The following CARMIL1 variants were observed in gnomAD, a reference collection of about 807,000 sequenced individuals.
CARMIL1 encodes the protein capping protein regulator and myosin 1 linker 1.
Under a neutral mutation model 177.1 loss-of-function variants are expected in CARMIL1, and 90 were observed. That is an observed-to-expected ratio of 0.51 (90% CI 0.43 to 0.61). The LOEUF (loss-of-function observed/expected upper bound fraction) is 0.61. CARMIL1 is among the 20% of genes least tolerant of loss of function. The probability of loss-of-function intolerance (pLI) is 0.00; values close to 1 mark genes in which losing one functional copy is unlikely to be tolerated. For synonymous variants in CARMIL1, 577 were observed against 606.2 expected, an observed-to-expected ratio of 0.95 and a Z score of 0.71; for missense variants, 1,380 against 1,667.0, an observed-to-expected ratio of 0.83 and a Z score of 3.00.
intron 2 of CARMIL1, among the ~76,000 whole-genome samples, chr6:25,343,316 CTT>C (rs5875030): frequency 0.043 from 5,756 of 135,374 alleles, 291 homozygotes; most frequent in African/African-American, 0.14. Context: ...AGTATTTTTG[CTT>C]TTTTTTTTTT....
chr6:25,488,356 A>T, intron 12 of CARMIL1, 126 bp from the exon 13 acceptor site: 1 of 751,904 alleles, frequency 1.3e-6, no homozygotes, highest in East Asian at 2.5e-5. Flanking sequence ...GCCACCTTTC[A>T]GGGACAGTGC....
chr6:25,380,612 A>G (rs1390917373), intron 2 of CARMIL1, among the ~76,000 whole-genome samples: 1 of 152,238 alleles, frequency 6.6e-6, no homozygotes, highest in African/African-American at 2.4e-5. Context: ...TATTGTTTGA[A>G]TTAGATTTCA....
chr6:25,530,297 C>G (rs1807618976), intron 24 of CARMIL1, among the ~76,000 whole-genome samples: 1 of 151,954 alleles, frequency 6.6e-6, no homozygotes, highest in African/African-American at 2.4e-5. Context: ...ACAGGTGGAT[C>G]ACAGGAGTTT....
At chr6:25,281,136 G>GAGCGCGCACA in intron 1 of CARMIL1, among the ~76,000 whole-genome samples, 1 of 132,104 alleles carries the variant, frequency 7.6e-6, no homozygotes, top group Non-Finnish European at 1.6e-5. Context: ...GTGCGCGCGC[G>GAGCGCGCACA]CACACACACA....
intron 33 of CARMIL1, among the ~76,000 whole-genome samples, chr6:25,603,899 C>T (rs1185840811): frequency 6.6e-6 from 1 of 152,090 alleles, no homozygotes; most frequent in Non-Finnish European, 1.5e-5. Flanking sequence ...TAATTCCTCC[C>T]ACCTGCAGAT....
intron 2 of CARMIL1, among the ~76,000 whole-genome samples, chr6:25,305,697 T>A (rs1323076668): frequency 6.6e-6 from 1 of 152,206 alleles, no homozygotes; most frequent in East Asian, 1.9e-4. Context: ...TTGTAAGTGG[T>A]CCCTGCTAGC....
intron 8 of CARMIL1, 84 bp downstream of exon 8, chr6:25,450,795 CCCTTCCTCCCTCCCCTCCCCTCCCCTT>C (rs1798749117): frequency 1.6e-3 from 28 of 17,702 alleles, no homozygotes; most frequent in South Asian, 5.3e-3. Flanking sequence ...CTTCCTCCCT[CCCTTCCTCCCTCCCCTCCCCTCCCCTT>C]CCCTCCCCTT....
rs1176702609 is a variant in CARMIL1 at position 25,571,609 on chromosome 6, C to CTTTACAA, written c.2743-9313_2743-9307dup. 2.2e-4 allele frequency among the ~76,000 whole-genome samples: 34 copies of CTTTACAA among 152,222 alleles called. No homozygotes were observed. The East Asian group carries it at 4.3e-3, about 19-fold the overall frequency. ...TACAATTAGTACTTTACAATTAGTA[C>CTTTACAA]TTTACAATGGAGCACAGCTGGAAAG... is the stretch of plus-strand genomic sequence containing the variant. On this transcript the variant is annotated intron_variant, in intron 29 of 36. Coordinates refer to ENST00000329474, the MANE Select transcript of CARMIL1 (RefSeq NM_017640.6).
At chr6:25,333,688 A>G (rs1056872238) in intron 2 of CARMIL1, among the ~76,000 whole-genome samples, 1 of 152,140 alleles carries the variant, frequency 6.6e-6, no homozygotes, top group Admixed American at 6.5e-5. Context: ...AATATCTCTC[A>G]GTTGGAACCC....
intron 29 of CARMIL1, among the ~76,000 whole-genome samples, chr6:25,575,256 G>A (rs1812475756): frequency 6.6e-6 from 1 of 152,188 alleles, no homozygotes; most frequent in Non-Finnish European, 1.5e-5. Flanking sequence ...GAGTGGACAA[G>A]AGTAGCAGAA....
intron 35 of CARMIL1, among the ~76,000 whole-genome samples, chr6:25,607,963 A>T (rs377487582): frequency 6.6e-6 from 1 of 152,192 alleles, no homozygotes; most frequent in Non-Finnish European, 1.5e-5. Flanking sequence ...GAACACAAAA[A>T]ATTTCTTGGT....
rs566898643 is a variant in CARMIL1 at position 25,326,898 on chromosome 6, A to G, written c.138+41989A>G. ...CAGTGGCATGATCTTGGCTCACTGC[A>G]ACCTGATAAGGACCTTGTTTATTGT... On this transcript the variant is annotated intron_variant, in intron 2 of 36. Coordinates refer to ENST00000329474, the MANE Select transcript of CARMIL1 (RefSeq NM_017640.6). This position sits in a 1 kb window ranked among gnomAD's most constrained non-coding sequence, Gnocchi z 4.2. Among the ~76,000 whole-genome samples, 2 of 152,236 alleles carry G rather than the reference A, an allele frequency of 1.3e-5. No homozygotes were observed. Among genetic ancestry groups the G allele is most frequent in the African/African-American group, 4.8e-5 (2 of 41,530 alleles).
intron 11 of CARMIL1, among the ~76,000 whole-genome samples, chr6:25,473,379 A>G (rs1801250733): frequency 6.6e-6 from 1 of 152,212 alleles, no homozygotes; most frequent in Non-Finnish European, 1.5e-5. Flanking sequence ...TTAACTACTA[A>G]TAGCAGGGTT....
At chr6:25,415,356 A>G (rs1380824847) in intron 2 of CARMIL1, among the ~76,000 whole-genome samples, 1 of 151,416 alleles carries the variant, frequency 6.6e-6, no homozygotes, top group East Asian at 2.0e-4. Context: ...TTCTGACCCT[A>G]GTTCATACCC....
intron 28 of CARMIL1, among the ~76,000 whole-genome samples, chr6:25,555,376 A>G (rs1020577198): frequency 2.3e-5 from 3 of 130,852 alleles, no homozygotes; most frequent in African/African-American, 9.1e-5. Flanking sequence ...AACAAAAGCA[A>G]TAGAGTATTC....
intron 27 of CARMIL1, among the ~76,000 whole-genome samples, chr6:25,553,422 A>G (rs564559076): frequency 9.8e-5 from 15 of 152,296 alleles, no homozygotes; most frequent in African/African-American, 2.6e-4. Flanking sequence ...TGTGTGGACA[A>G]CTCTCTGAGG....
intron 31 of CARMIL1, among the ~76,000 whole-genome samples, chr6:25,586,132 C>CG (rs767577618): frequency 6.9e-6 from 1 of 145,980 alleles, no homozygotes; most frequent in East Asian, 2.0e-4. Context: ...GCTGGCCGGG[C>CG]GGGGGGTTGC....
intron 2 of CARMIL1, among the ~76,000 whole-genome samples, chr6:25,394,738 G>T (rs564862229): frequency 2.2e-4 from 34 of 152,262 alleles, no homozygotes; most frequent in Admixed American, 8.5e-4. Flanking sequence ...TTTCAGTAAA[G>T]GAGAGTTACC....
At chr6:25,432,009 G>GT (rs796701490) in intron 4 of CARMIL1, among the ~76,000 whole-genome samples, 1 of 152,150 alleles carries the variant, frequency 6.6e-6, no homozygotes, top group African/African-American at 2.4e-5. Flanking sequence ...GCCTGTGATT[G>GT]TTTTTAAAAA....
Sources: allele counts gnomAD v4.1 joint callset (sites outside exome capture counted in the v4.1 genomes callset), GRCh38; gene constraint gnomAD v4.1.1; non-coding constraint Gnocchi (gnomAD v3.1); transcripts MANE v1.5; gene names NCBI Gene and HGNC (gene_info 2026-07-23, HGNC 2026-07-21).